Variants in CCDC181 observed in about 807,000 individuals in gnomAD.
CCDC181 encodes coiled-coil domain containing 181, also known as coiled-coil domain-containing protein 181.
Under a neutral mutation model 58.7 loss-of-function variants are expected in CCDC181, and 35 were observed. The observed-to-expected ratio is 0.60, with a 90% CI of 0.46 to 0.79. The LOEUF (loss-of-function observed/expected upper bound fraction) is 0.79. CCDC181 is among the 30% of genes least tolerant of loss of function. The pLI, the probability that CCDC181 is intolerant of heterozygous loss-of-function variation, is 0.00. For synonymous variants in CCDC181, 183 were observed against 197.5 expected (o/e 0.93, Z 0.62); for missense variants, 517 against 583.9 (o/e 0.89, Z 1.18).
upstream of CCDC181, among the ~76,000 whole-genome samples, chr1:169,431,711 A>C (rs1290803185): frequency 1.3e-5 from 2 of 152,176 alleles, no homozygotes; most frequent in East Asian, 3.8e-4. Context: ...GGCAGTCTGT[A>C]TTACTTGCAG....
intron 2 of CCDC181, among the ~76,000 whole-genome samples, chr1:169,458,244 C>T (rs722145): frequency 0.26 from 38,584 of 147,722 alleles, 6,409 homozygotes; most frequent in Non-Finnish European, 0.38. Context: ...ACTTTTGCAC[C>T]AACCTATAAA....
chr1:169,422,427 G>T, intron 2 of CCDC181, 114 bp from the exon 3 acceptor site: 1 of 701,600 alleles, frequency 1.4e-6, no homozygotes. Flanking sequence ...AAATTTAAGT[G>T]TTTATTGCTC....
At chr1:169,414,992 A>C (rs1019922165) in intron 4 of CCDC181, among the ~76,000 whole-genome samples, 5 of 152,224 alleles carry the variant, frequency 3.3e-5, no homozygotes, top group Non-Finnish European at 7.3e-5. Context: ...TATTCAAAAT[A>C]AATATTCAAA....
At chr1:169,431,063 C>G (rs977142791), upstream of CCDC181, among the ~76,000 whole-genome samples, 2 of 152,188 alleles carry the variant, frequency 1.3e-5, no homozygotes, top group Admixed American at 1.3e-4. Flanking sequence ...CCTTTTGTTA[C>G]TTAAACATGG....
chr1:169,404,547 C>T (rs1480299455), intron 4 of CCDC181, among the ~76,000 whole-genome samples: 1 of 152,102 alleles, frequency 6.6e-6, no homozygotes, highest in Non-Finnish European at 1.5e-5. Context: ...TAAACAGAAC[C>T]AAAGACAAAA....
chr1:169,439,646 A>C (rs1657156489), intron 2 of CCDC181, among the ~76,000 whole-genome samples: 1 of 152,108 alleles, frequency 6.6e-6, no homozygotes, highest in African/African-American at 2.4e-5. Flanking sequence ...GCTAAGTGTT[A>C]CACCAGCTCA....
At chr1:169,425,303 A>T (rs1003431007) in intron 1 of CCDC181, among the ~76,000 whole-genome samples, 2 of 151,996 alleles carry the variant, frequency 1.3e-5, no homozygotes, top group Non-Finnish European at 2.9e-5. Flanking sequence ...TTCTCCCCAA[A>T]CCTTTGGCCA....
chr1:169,422,413 G>C, intron 2 of CCDC181, 100 bp from the exon 3 acceptor site: 1 of 839,760 alleles, frequency 1.2e-6, no homozygotes, highest in Non-Finnish European at 1.8e-6. Context: ...TTTTATGAAT[G>C]GGAAAATTTA....
At position 169,422,291 on chromosome 1, in the gene CCDC181, T is replaced by G; in HGVS notation, c.140A>C (p.Asn47Thr). Residue 47 changes from asparagine to threonine, a missense_variant, in exon 3 of 6, where the codon AAT becomes ACT. Physicochemically the swap from Asn to Thr is moderately conservative, Grantham distance 65. Coordinates refer to ENST00000367806, the MANE Select transcript of CCDC181 (RefSeq NM_001300969.2). Reference sequence around the variant, plus strand: ...ATTCTCTTTTAAGTCTTGGTTAATATTCTCTTCCTTCTCACAAGCCATCTA... The same window carrying G: ...ATTCTCTTTTAAGTCTTGGTTAATAGTCTCTTCCTTCTCACAAGCCATCTA... ...IIEMACEKEENINQDLKENET... is the reference protein window; with the variant it reads ...IIEMACEKEETINQDLKENET... The G allele has an allele frequency of 6.4e-7, 1 of 1,558,788 alleles. No homozygotes were observed. The highest frequency in any genetic ancestry group is 8.7e-7 in the Non-Finnish European group (1 of 1,145,288).
At chr1:169,408,394 A>T (rs1655788748) in intron 4 of CCDC181, among the ~76,000 whole-genome samples, 1 of 152,220 alleles carries the variant, frequency 6.6e-6, no homozygotes. Context: ...CAGCAGCCCC[A>T]GTCAGGGGCT....
chr1:169,419,199 T>A, intron 3 of CCDC181, 40 bp from the exon 4 acceptor site: 1 of 1,498,824 alleles, frequency 6.7e-7, no homozygotes, highest in South Asian at 1.2e-5. Flanking sequence ...GGAAGATTAA[T>A]AAAATTGTAT....
chr1:169,430,917 A>C (rs1269984216), upstream of CCDC181, among the ~76,000 whole-genome samples: 2 of 152,180 alleles, frequency 1.3e-5, no homozygotes, highest in Non-Finnish European at 2.9e-5. Context: ...AAAGCAACCA[A>C]TCAGAGGTTG....
At chr1:169,428,497 A>G (rs1656807394), upstream of CCDC181, among the ~76,000 whole-genome samples, 1 of 152,076 alleles carries the variant, frequency 6.6e-6, no homozygotes, top group Admixed American at 6.6e-5. Context: ...ATAATGGGTG[A>G]TAGCAGCTTT....
intron 2 of CCDC181, among the ~76,000 whole-genome samples, chr1:169,450,047 G>A (rs1228669368): frequency 1.3e-5 from 2 of 152,158 alleles, no homozygotes; most frequent in African/African-American, 2.4e-5. Flanking sequence ...GAAGTATGAA[G>A]AGAATCATTC....
intron 4 of CCDC181, among the ~76,000 whole-genome samples, chr1:169,398,143 A>G (rs1655152682): frequency 6.6e-6 from 1 of 152,222 alleles, no homozygotes; most frequent in Non-Finnish European, 1.5e-5. Context: ...ATTGCTAGAG[A>G]TGACATAAAA....
chr1:169,405,341 A>G (rs1453863625), intron 4 of CCDC181, among the ~76,000 whole-genome samples: 1 of 152,204 alleles, frequency 6.6e-6, no homozygotes, highest in Non-Finnish European at 1.5e-5. Flanking sequence ...AAGAGCCCAC[A>G]TTGCCAAGAC....
intron 4 of CCDC181, chr1:169,418,651 G>T: frequency 8.6e-6 from 2 of 232,670 alleles, no homozygotes; most frequent in Non-Finnish European, 8.1e-6. Flanking sequence ...ATTTGCTAAA[G>T]ATTTACATAA....
chr1:169,407,030 G>A (rs1655700123), intron 4 of CCDC181, among the ~76,000 whole-genome samples: 1 of 134,112 alleles, frequency 7.5e-6, no homozygotes, highest in Admixed American at 8.3e-5. Context: ...TGGATTTCCA[G>A]AAGGAGAGGA....
At chr1:169,439,878 A>T (rs1227876345) in intron 2 of CCDC181, among the ~76,000 whole-genome samples, 1 of 151,994 alleles carries the variant, frequency 6.6e-6, no homozygotes, top group African/African-American at 2.4e-5. Flanking sequence ...CTCCTCTCTG[A>T]CCATCCCCAG....
Sources: gnomAD v4.1 joint callset for allele counts (sites outside exome capture counted in the v4.1 genomes callset) on GRCh38, gnomAD v4.1.1 for gene constraint, MANE v1.5 for transcripts, NCBI Gene and HGNC (gene_info 2026-07-23, HGNC 2026-07-21) for gene names.